The following THSD7B variants were observed in gnomAD, a reference collection of about 807,000 sequenced individuals.
THSD7B encodes thrombospondin type-1 domain-containing protein 7B.
Under a neutral mutation model 213.6 loss-of-function variants are expected in THSD7B, and 138 were observed. The ratio of observed to expected loss-of-function variants is 0.65; its 90% confidence interval spans 0.56 to 0.74. The LOEUF (loss-of-function observed/expected upper bound fraction) is 0.74, where lower values mean the gene tolerates loss of function less well. Ranked by LOEUF, THSD7B falls within the 30% of genes least tolerant of loss-of-function variation. The pLI, the probability that THSD7B is intolerant of heterozygous loss-of-function variation, is 0.00. For synonymous variants in THSD7B, 742 were observed against 687.0 expected (o/e 1.08, Z -1.25); for missense variants, 1,931 against 1,991.5 (o/e 0.97, Z 0.58).
chr2:136,836,649 A>G (rs546685146), intron 1 of THSD7B, among the ~76,000 whole-genome samples: 2 of 152,100 alleles, frequency 1.3e-5, no homozygotes, highest in Non-Finnish European at 2.9e-5. Flanking sequence ...CACTTATCTA[A>G]CTATATCACC....
chr2:137,554,166 T>C (rs954013359), intron 15 of THSD7B, among the ~76,000 whole-genome samples: 5 of 152,176 alleles, frequency 3.3e-5, no homozygotes, highest in Admixed American at 2.0e-4. Flanking sequence ...TTGTGCTTTC[T>C]AAAATATCCC....
At position 137,257,020 on chromosome 2, in the gene THSD7B, G is replaced by A. The variant is rs58562727; in HGVS notation, c.2266+14448G>A. On this transcript the variant is annotated intron_variant, in intron 10 of 27. Transcript: ENST00000409968. ...TGGCACAGGGCATCACATGGTGAAGGGTTGATCATGTGAACTTAGGTCTTT... is the reference window on the plus strand; with the variant it reads ...TGGCACAGGGCATCACATGGTGAAGAGTTGATCATGTGAACTTAGGTCTTT... Among the ~76,000 whole-genome samples, 229 of 152,194 alleles carry A rather than the reference G, an allele frequency of 1.5e-3. 3 individuals are homozygous for A. The East Asian group carries it at 0.04, about 26-fold the overall frequency.
At chr2:136,795,201 C>G (rs1004793206) in intron 1 of THSD7B, among the ~76,000 whole-genome samples, 1 of 151,890 alleles carries the variant, frequency 6.6e-6, no homozygotes, top group East Asian at 1.9e-4. Flanking sequence ...GTGCTAAAAC[C>G]GAGGTGTCAG....
rs756202456 is a variant in THSD7B at position 137,482,021 on chromosome 2, C to CA, written c.3138+31005dup. The stretch of plus-strand genomic sequence containing the variant: ...TGAAACCCCGTCTCTACTAAAAATA[C>CA]AAAAAAATTAGCTGGGCGTGGTGGC... On this transcript the variant is annotated intron_variant, in intron 15 of 27. Coordinates refer to ENST00000409968, the MANE Select transcript of THSD7B (RefSeq NM_001316349.2). 3.3e-5 allele frequency among the ~76,000 whole-genome samples: 5 copies of CA among 151,858 alleles called. No individual in the cohort carries two copies. In the South Asian group the frequency reaches 8.3e-4, roughly 25 times the overall value.
intron 12 of THSD7B, among the ~76,000 whole-genome samples, chr2:137,328,925 G>A (rs1050098688): frequency 3.9e-5 from 6 of 152,162 alleles, no homozygotes; most frequent in African/African-American, 1.4e-4. Flanking sequence ...GCTGAACTGT[G>A]AGTCAACTAA....
chr2:137,170,348 C>T (rs1052605319), intron 6 of THSD7B, among the ~76,000 whole-genome samples: 6 of 151,926 alleles, frequency 3.9e-5, no homozygotes, highest in Admixed American at 6.6e-5. Flanking sequence ...GTATTTTAAC[C>T]GAATGCAGCG....
At chr2:137,601,420 A>AAAT (rs1194430482) in intron 17 of THSD7B, among the ~76,000 whole-genome samples, 4 of 152,214 alleles carry the variant, frequency 2.6e-5, no homozygotes, top group African/African-American at 7.2e-5. Context: ...TTAGATACAG[A>AAAT]AATACCATTG....
At chr2:137,558,241 C>A (rs1203483130) in intron 15 of THSD7B, among the ~76,000 whole-genome samples, 1 of 152,106 alleles carries the variant, frequency 6.6e-6, no homozygotes, top group Non-Finnish European at 1.5e-5. Context: ...GATACCAAAG[C>A]CTGGCAGAGA....
intron 1 of THSD7B, among the ~76,000 whole-genome samples, chr2:136,807,270 A>C (rs1164281834): frequency 6.6e-6 from 1 of 152,198 alleles, no homozygotes; most frequent in Non-Finnish European, 1.5e-5. Context: ...TTTTCTGTGC[A>C]GGAGATATTT....
intron 2 of THSD7B, among the ~76,000 whole-genome samples, chr2:137,040,380 CTCTT>C (rs1252223952): frequency 7.0e-6 from 1 of 143,794 alleles, no homozygotes; most frequent in African/African-American, 2.5e-5. Context: ...CCTTCTCCTC[CTCTT>C]TCTTTCTTCC....
chr2:137,342,849 C>T (rs1035400295), intron 12 of THSD7B, among the ~76,000 whole-genome samples: 4 of 151,648 alleles, frequency 2.6e-5, no homozygotes, highest in Non-Finnish European at 5.9e-5. Context: ...GATTTGCATA[C>T]GGTAAACCAT....
In THSD7B at chr2:136,974,137, T is replaced by A. The variant is rs558952422; in HGVS notation, c.140-82283T>A. On this transcript the variant is annotated intron_variant, in intron 2 of 27. Coordinates refer to ENST00000409968, the MANE Select transcript of THSD7B (RefSeq NM_001316349.2). The stretch of plus-strand genomic sequence containing the variant: ...TATTGTTACCTCTATAATATTTTAG[T>A]ATTCTTATGATTCAAAAATGCTTTA... Among the ~76,000 whole-genome samples, 6 of 152,328 alleles carry A rather than the reference T, an allele frequency of 3.9e-5. 1 individual carries two copies. In the East Asian group the frequency reaches 1.2e-3, roughly 29 times the overall value.
chr2:136,926,864 T>A (rs2105041439), intron 2 of THSD7B, among the ~76,000 whole-genome samples: 1 of 151,996 alleles, frequency 6.6e-6, no homozygotes, highest in South Asian at 2.1e-4. Context: ...ACTAAGTCCC[T>A]TTCCCTCAAG....
chr2:137,522,489 A>G (rs1445614575), intron 15 of THSD7B, among the ~76,000 whole-genome samples: 1 of 151,954 alleles, frequency 6.6e-6, no homozygotes, highest in African/African-American at 2.4e-5. Context: ...TGTTTCTTGA[A>G]TGAATTGCTG....
At chr2:136,854,531 C>T (rs1683149854) in intron 1 of THSD7B, among the ~76,000 whole-genome samples, 1 of 151,974 alleles carries the variant, frequency 6.6e-6, no homozygotes, top group African/African-American at 2.4e-5. Context: ...CAGCTCTGTT[C>T]CATCCCTTTC....
At chr2:137,425,408 G>A (rs984155871) in intron 14 of THSD7B, among the ~76,000 whole-genome samples, 32 of 151,914 alleles carry the variant, frequency 2.1e-4, no homozygotes, top group Admixed American at 1.8e-3. Flanking sequence ...GTAGAGGTGG[G>A]GTTTCACCAT....
At chr2:137,538,219 A>G (rs918124019) in intron 15 of THSD7B, among the ~76,000 whole-genome samples, 3 of 151,716 alleles carry the variant, frequency 2.0e-5, no homozygotes, top group African/African-American at 7.2e-5. Flanking sequence ...GAGGACAACT[A>G]GGAAAACATC....
In THSD7B at chr2:137,531,108, T is replaced by C. The variant is rs137935017; in HGVS notation, c.3139-32113T>C. Among the ~76,000 whole-genome samples, 727 of 152,054 alleles carry C rather than the reference T, an allele frequency of 4.8e-3. 4 individuals are homozygous for C. The highest frequency in any genetic ancestry group is 0.017 in the African/African-American group (693 of 41,524). ...GACAGAAAATAAAATAAAATCATAG[T>C]AAACAGGCTCACTCTAGTAGGGATA... is the stretch of plus-strand genomic sequence containing the variant. On this transcript the variant is annotated intron_variant, in intron 15 of 27. Transcript: ENST00000409968.
At chr2:136,912,194 C>A (rs1043871017) in intron 2 of THSD7B, among the ~76,000 whole-genome samples, 1 of 151,620 alleles carries the variant, frequency 6.6e-6, no homozygotes, top group Non-Finnish European at 1.5e-5. Context: ...TGCTGGTGGG[C>A]GCCCATAATC....
Sources: allele counts gnomAD v4.1 joint callset (sites outside exome capture counted in the v4.1 genomes callset), GRCh38; gene constraint gnomAD v4.1.1; transcripts MANE v1.5; gene names NCBI Gene and HGNC (gene_info 2026-07-23, HGNC 2026-07-21).